The following PDE4B variants were observed in gnomAD, a reference collection of about 807,000 sequenced individuals.
The protein encoded by PDE4B is phosphodiesterase 4B.
In PDE4B, 20 loss-of-function variants were observed where a neutral mutation model predicts 82.2. The ratio of observed to expected loss-of-function variants is 0.24; its 90% CI spans 0.17 to 0.35. PDE4B has a LOEUF of 0.35. Among genes scored for constraint, PDE4B ranks in the 10% least tolerant of loss-of-function variants. The pLI is 1.00. For missense variants in PDE4B, 655 were observed against 907.2 expected (o/e 0.72, Z 3.57); for synonymous variants, 320 against 318.9 (o/e 1.00, Z -0.04).
chr1:66,235,332 C>CT (rs889067642), intron 3 of PDE4B, among the ~76,000 whole-genome samples: 1 of 151,886 alleles, frequency 6.6e-6, no homozygotes, highest in Non-Finnish European at 1.5e-5. Context: ...TTTTCTATTT[C>CT]TTTTTTCAGT....
chr1:65,987,667 C>CA (rs1246326471), intron 3 of PDE4B, among the ~76,000 whole-genome samples: 1 of 152,072 alleles, frequency 6.6e-6, no homozygotes, highest in Non-Finnish European at 1.5e-5. Flanking sequence ...GGCTGGAGTG[C>CA]AATGGCACAA....
chr1:66,231,883 G>A (rs1393681726), intron 3 of PDE4B, among the ~76,000 whole-genome samples: 21 of 152,120 alleles, frequency 1.4e-4, no homozygotes, highest in Non-Finnish European at 3.1e-4. Context: ...CCATGTGTGG[G>A]TCAAGTGTGA....
intron 1 of PDE4B, among the ~76,000 whole-genome samples, chr1:65,886,107 A>T (rs1308443602): frequency 2.0e-5 from 3 of 151,828 alleles, no homozygotes; most frequent in South Asian, 4.2e-4. Context: ...TACATTTTGA[A>T]ATGACATTTG....
intron 7 of PDE4B, among the ~76,000 whole-genome samples, chr1:66,278,478 GA>G (rs1656054618): frequency 6.6e-6 from 1 of 152,172 alleles, no homozygotes; most frequent in Admixed American, 6.5e-5. Flanking sequence ...TATCTCTCTG[GA>G]AAGCAAATGC....
intron 1 of PDE4B, among the ~76,000 whole-genome samples, chr1:65,869,508 A>G (rs1433206811): frequency 1.3e-5 from 2 of 152,220 alleles, no homozygotes; most frequent in Non-Finnish European, 2.9e-5. Flanking sequence ...ACAAGACTTC[A>G]CAGACTGTCA....
chr1:66,089,480 T>C (rs932633489), intron 3 of PDE4B, among the ~76,000 whole-genome samples: 1 of 152,060 alleles, frequency 6.6e-6, no homozygotes, highest in Non-Finnish European at 1.5e-5. Context: ...TGAGTGGTCA[T>C]GCTGACATAG....
At chr1:66,154,820 G>T (rs975169219) in intron 3 of PDE4B, among the ~76,000 whole-genome samples, 14 of 152,168 alleles carry the variant, frequency 9.2e-5, no homozygotes, top group African/African-American at 2.9e-4. Context: ...TCCAAAAAGT[G>T]CTTTTTCCAA....
chr1:66,224,264 C>G (rs1651245597), intron 3 of PDE4B, among the ~76,000 whole-genome samples: 1 of 152,186 alleles, frequency 6.6e-6, no homozygotes, highest in Non-Finnish European at 1.5e-5. Context: ...TTCTCCACTT[C>G]TTTCTTTGCC....
At chr1:66,237,234 T>C (rs746478159) in intron 3 of PDE4B, among the ~76,000 whole-genome samples, 1 of 152,206 alleles carries the variant, frequency 6.6e-6, no homozygotes. Flanking sequence ...TCAAGACTGA[T>C]AACATTTGGA....
chr1:66,110,437 C>T (rs1375543202), intron 3 of PDE4B, among the ~76,000 whole-genome samples: 1 of 151,966 alleles, frequency 6.6e-6, no homozygotes, highest in Non-Finnish European at 1.5e-5. Context: ...ACAGATTCCA[C>T]AAGTCTTGTC....
intron 8 of PDE4B, chr1:66,354,785 C>G (rs1662104994): frequency 6.5e-7 from 1 of 1,533,568 alleles, no homozygotes; most frequent in Non-Finnish European, 8.7e-7. Context: ...CGGGATTGCT[C>G]TCTCAGAACT....
intron 7 of PDE4B, among the ~76,000 whole-genome samples, chr1:66,312,989 A>G (rs1302789367): frequency 6.6e-6 from 1 of 152,318 alleles, no homozygotes; most frequent in Non-Finnish European, 1.5e-5. Context: ...TATCTGCTTC[A>G]TGTTTTAATT....
chr1:66,160,111 A>G (rs764545644), intron 3 of PDE4B, among the ~76,000 whole-genome samples: 5 of 152,204 alleles, frequency 3.3e-5, no homozygotes, highest in Admixed American at 6.5e-5. Flanking sequence ...TGGGTGTTAA[A>G]AGGGGAAAAT....
chr1:66,207,098 T>C (rs569190450), intron 3 of PDE4B, among the ~76,000 whole-genome samples: 4 of 152,344 alleles, frequency 2.6e-5, no homozygotes, highest in East Asian at 3.9e-4. Flanking sequence ...GCCCAACTTA[T>C]ATGGCAAAAT....
At chr1:65,816,805 G>A (rs913220911) in intron 1 of PDE4B, among the ~76,000 whole-genome samples, 1 of 151,964 alleles carries the variant, frequency 6.6e-6, no homozygotes, top group Non-Finnish European at 1.5e-5. Context: ...GTTTTAATTC[G>A]AATTTTGTAA....
intron 3 of PDE4B, among the ~76,000 whole-genome samples, chr1:65,989,893 A>ATTT (rs10654149): frequency 0.09 from 12,827 of 142,384 alleles, 724 homozygotes; most frequent in Middle Eastern, 0.26. Flanking sequence ...AAAGTGTCTC[A>ATTT]TTTTTTTTTT....
At chr1:65,880,697 G>C (rs1646698993) in intron 1 of PDE4B, among the ~76,000 whole-genome samples, 1 of 152,184 alleles carries the variant, frequency 6.6e-6, no homozygotes, top group Non-Finnish European at 1.5e-5. Flanking sequence ...TCTTGGACGT[G>C]CCAGCCTTCA....
chr1:66,120,853 G>A (rs552482442), intron 3 of PDE4B, among the ~76,000 whole-genome samples: 38 of 152,164 alleles, frequency 2.5e-4, no homozygotes, highest in Admixed American at 2.0e-3. Flanking sequence ...ACATTATGAT[G>A]AGAACTATTT....
At chr1:66,194,176 A>T (rs1046743774) in intron 3 of PDE4B, among the ~76,000 whole-genome samples, 2 of 152,020 alleles carry the variant, frequency 1.3e-5, no homozygotes, top group Non-Finnish European at 2.9e-5. Context: ...TCTCATCCTA[A>T]AGCCAAATTC....
Sources: allele counts gnomAD v4.1 joint callset (sites outside exome capture counted in the v4.1 genomes callset), GRCh38; gene constraint gnomAD v4.1.1; transcripts MANE v1.5; gene names NCBI Gene and HGNC (gene_info 2026-07-23, HGNC 2026-07-21).